The following RBFOX3 variants were observed in gnomAD, a reference collection of about 807,000 sequenced individuals.
RBFOX3 encodes the protein RNA binding fox-1 homolog 3, also known as RNA binding protein fox-1 homolog 3.
Under a neutral mutation model 48.7 loss-of-function variants are expected in RBFOX3, and 17 were observed. The ratio of observed to expected loss-of-function variants is 0.35; its 90% CI spans 0.24 to 0.52. The LOEUF (loss-of-function observed/expected upper bound fraction) is 0.52, where lower values mean the gene tolerates loss of function less well. RBFOX3 is among the 20% of genes least tolerant of loss of function. The probability of loss-of-function intolerance (pLI) is 0.94; values close to 1 mark genes in which losing one functional copy is unlikely to be tolerated. For missense variants in RBFOX3, 382 were observed against 497.5 expected (o/e 0.77, Z 2.21); for synonymous variants, 212 against 209.5 (o/e 1.01, Z -0.10).
In RBFOX3 at chr17:79,213,323, G is replaced by C. The variant is rs113053789; in HGVS notation, c.-34+22443C>G. On this transcript the variant is annotated intron_variant, in intron 4 of 14. Transcript: ENST00000693108. Reference sequence around the variant, plus strand: ...CCCAGGAAGGGGAAGGACGCGGCGGGGGGGCACCTGGATCCACAGCCCTGC... The same window carrying C: ...CCCAGGAAGGGGAAGGACGCGGCGGCGGGGCACCTGGATCCACAGCCCTGC... Among the ~76,000 whole-genome samples, 797 of 152,334 alleles carry C rather than the reference G, an allele frequency of 5.2e-3. 7 individuals are homozygous for C. Among genetic ancestry groups the C allele is most frequent in the African/African-American group, 0.017 (724 of 41,576 alleles).
chr17:79,303,191 G>A (rs1273930704), intron 3 of RBFOX3, among the ~76,000 whole-genome samples: 1 of 152,190 alleles, frequency 6.6e-6, no homozygotes, highest in Non-Finnish European at 1.5e-5. Flanking sequence ...CTGTGTGACA[G>A]AACAAGACCT....
chr17:79,580,617 A>G (rs1187666378), intron 1 of RBFOX3, among the ~76,000 whole-genome samples: 1 of 152,090 alleles, frequency 6.6e-6, no homozygotes, highest in Non-Finnish European at 1.5e-5. Context: ...ACAGCTGCCA[A>G]GTCGCAGACA....
At chr17:79,580,036 C>A (rs963897859) in intron 1 of RBFOX3, among the ~76,000 whole-genome samples, 3 of 151,932 alleles carry the variant, frequency 2.0e-5, no homozygotes, top group Non-Finnish European at 4.4e-5. Context: ...GGTGCCACAG[C>A]GACTGCACTC....
At chr17:79,137,219 C>A (rs1052108784) in intron 4 of RBFOX3, among the ~76,000 whole-genome samples, 3 of 144,980 alleles carry the variant, frequency 2.1e-5, no homozygotes, top group Non-Finnish European at 4.5e-5. Flanking sequence ...GACATGTGCT[C>A]ACACAGACCC....
chr17:79,289,880 A>G (rs989579514), intron 3 of RBFOX3, among the ~76,000 whole-genome samples: 3 of 152,210 alleles, frequency 2.0e-5, no homozygotes, highest in African/African-American at 7.2e-5. Flanking sequence ...AAAAATAACT[A>G]ATAACACTGG....
intron 5 of RBFOX3, among the ~76,000 whole-genome samples, chr17:79,112,329 G>A (rs1599479881): frequency 1.3e-5 from 2 of 152,324 alleles, no homozygotes; most frequent in Non-Finnish European, 2.9e-5. Flanking sequence ...GGGGTTGAGG[G>A]GTGCATCCCA....
intron 2 of RBFOX3, among the ~76,000 whole-genome samples, chr17:79,398,941 G>T (rs147653807): frequency 2.6e-5 from 4 of 152,340 alleles, no homozygotes; most frequent in Non-Finnish European, 5.9e-5. Context: ...ATCAGGTAAA[G>T]ATGAGGTCAT....
rs1224011902 is a variant in RBFOX3 at position 79,095,408 on chromosome 17, G to C, written c.998+105C>G. 1.9e-5 allele frequency: 20 copies of C among 1,029,240 alleles called. No homozygotes were observed. In the Admixed American group the frequency reaches 4.3e-4, roughly 22 times the overall value. 63.8% of individuals were successfully genotyped at this position (1,029,240 alleles called of 1,614,324 possible). The stretch of plus-strand genomic sequence containing the variant: ...TCCCGACCCTACTCCCGCCAGGCCT[G>C]GAAGAGTGGGTTACGCCTCCTGCCT... On this transcript the variant is annotated intron_variant, in intron 13 of 14. Transcript: ENST00000693108.
chr17:79,094,566 TGG>T, intron 13 of RBFOX3, 37 bp from the exon 14 acceptor site: 2 of 20,244 alleles, frequency 9.9e-5, no homozygotes, highest in South Asian at 7.6e-4. Flanking sequence ...GGGAGGAGGG[TGG>T]GGGAGGGGGG....
chr17:79,411,172 C>T (rs2064277261), intron 2 of RBFOX3, among the ~76,000 whole-genome samples: 1 of 152,200 alleles, frequency 6.6e-6, no homozygotes, highest in Admixed American at 6.5e-5. Flanking sequence ...GTAACCGGAT[C>T]AAATGTTCCC....
chr17:79,271,411 A>G (rs1469049612), intron 3 of RBFOX3, among the ~76,000 whole-genome samples: 3 of 152,198 alleles, frequency 2.0e-5, no homozygotes, highest in Non-Finnish European at 4.4e-5. Context: ...GGGACAGCAG[A>G]GCATTAAGCC....
chr17:79,270,783 A>G (rs1316998632), intron 3 of RBFOX3, among the ~76,000 whole-genome samples: 3 of 152,206 alleles, frequency 2.0e-5, no homozygotes, highest in African/African-American at 4.8e-5. Flanking sequence ...CCACAAACAC[A>G]CAGAGGGACA....
Position 79,091,295 on chromosome 17 carries a change from T to G in RBFOX3, c.1078-410A>C, listed in dbSNP as rs533777493. ...CCTCACTGGTGGGGAACCCACACCC[T>G]CCAGCTGGCCTTCCAGCCCCAGGAG... On this transcript the variant is annotated intron_variant, in intron 14 of 14. Coordinates refer to ENST00000693108, the MANE Select transcript of RBFOX3 (RefSeq NM_001350451.2). Among the ~76,000 whole-genome samples, 31 of 152,334 alleles carry G rather than the reference T, an allele frequency of 2.0e-4. No homozygotes were observed. The Middle Eastern group carries it at 0.01, about 50-fold the overall frequency.
intron 3 of RBFOX3, among the ~76,000 whole-genome samples, chr17:79,289,796 A>T (rs1456300211): frequency 6.6e-6 from 1 of 152,256 alleles, no homozygotes; most frequent in Non-Finnish European, 1.5e-5. Context: ...GTTCAACTCT[A>T]AATGTAATGA....
chr17:79,177,767 T>C (rs560914236), intron 4 of RBFOX3, among the ~76,000 whole-genome samples: 2 of 152,300 alleles, frequency 1.3e-5, no homozygotes, highest in African/African-American at 4.8e-5. Flanking sequence ...ATTCAAACCT[T>C]AGTCTGCTCA....
At chr17:79,403,786 T>TTC (rs1267119297) in intron 2 of RBFOX3, among the ~76,000 whole-genome samples, 21 of 145,920 alleles carry the variant, frequency 1.4e-4, no homozygotes, top group Admixed American at 2.0e-4. Context: ...CTTTTTCTTT[T>TTC]TTTTTTTTTT....
intron 6 of RBFOX3, among the ~76,000 whole-genome samples, chr17:79,104,924 A>ATGGTGACCTGAACCCAGGCCCTGC: frequency 6.6e-6 from 1 of 152,128 alleles, no homozygotes; most frequent in Non-Finnish European, 1.5e-5. Context: ...GTGCTGAGCA[A>ATGGTGACCTGAACCCAGGCCCTGC]CTGTTCAGGT....
At position 79,477,542 on chromosome 17, in the gene RBFOX3, C is replaced by G. The variant is rs565764622; in HGVS notation, c.-175+4912G>C. ...TCGCACTCCAGCCTGGGCGACAGAG[C>G]GAAACTCCGTCACCGGAAAAAAAAA... On this transcript the variant is annotated intron_variant, in intron 2 of 14. Transcript: ENST00000693108. This position sits in a 1 kb window ranked among gnomAD's most constrained non-coding sequence, Gnocchi z 4.8. Among the ~76,000 whole-genome samples, 5 of 148,412 alleles carry G rather than the reference C, an allele frequency of 3.4e-5. No homozygotes were observed. The highest frequency in any genetic ancestry group is 4.4e-4 in the East Asian group (2 of 4,556).
At chr17:79,547,487 T>C (rs2090607231) in intron 1 of RBFOX3, among the ~76,000 whole-genome samples, 1 of 152,008 alleles carries the variant, frequency 6.6e-6, no homozygotes, top group Non-Finnish European at 1.5e-5. Flanking sequence ...AACTGTTGCT[T>C]GTGGAAGGGA....
Sources: allele counts gnomAD v4.1 joint callset (sites outside exome capture counted in the v4.1 genomes callset), GRCh38; gene constraint gnomAD v4.1.1; non-coding constraint Gnocchi (gnomAD v3.1); transcripts MANE v1.5; gene names NCBI Gene and HGNC (gene_info 2026-07-23, HGNC 2026-07-21).